The following OR14J1 variants were observed in gnomAD, a reference collection of about 807,000 sequenced individuals.
OR14J1 encodes olfactory receptor 14J1.
For synonymous variants in OR14J1, 140 were observed against 146.7 expected (o/e 0.95, Z 0.33); for missense variants, 378 against 393.4 (o/e 0.96, Z 0.33).
chr6:29,302,688 G>A (rs756166927), intron 1 of OR14J1, among the ~76,000 whole-genome samples: 1 of 152,170 alleles, frequency 6.6e-6, no homozygotes, highest in African/African-American at 2.4e-5. Flanking sequence ...TAAAGATATT[G>A]TTTGCCATCC....
At position 29,310,359 on chromosome 6, in the gene OR14J1, T is replaced by A. The variant is rs1392522939; in HGVS notation, c.*2704T>A. 1 of 152,240 alleles carries A rather than the reference T, an allele frequency of 6.6e-6. No individual in the cohort carries two copies. Among genetic ancestry groups the A allele is most frequent in the Non-Finnish European group, 1.5e-5 (1 of 68,054 alleles). 9.4% of individuals were successfully genotyped at this position (152,240 alleles called of 1,614,324 possible). A position where few individuals can be genotyped will look rare whatever the true frequency, so the allele number is the denominator to read the frequency against. On this transcript the variant is annotated 3_prime_UTR_variant, in exon 2 of 2. Coordinates refer to ENST00000641895, the MANE Select transcript of OR14J1 (RefSeq NM_030946.2). Reference sequence around the variant, plus strand: ...TAGCCAGTTTTCTCAACAGCATTTATTAAATAGGGGATTCTTTCCCCATTG... The same window carrying A: ...TAGCCAGTTTTCTCAACAGCATTTAATAAATAGGGGATTCTTTCCCCATTG...
At position 29,306,835 on chromosome 6, in the gene OR14J1, T is replaced by G; in HGVS notation, c.146T>G (p.Val49Gly). ...GNLLIITIIT[V>G]DRRLHSPMYY... is the part of the protein sequence containing the mutation. Reference sequence around the variant, plus strand: ...CTCCTCATTATCACCATCATTACCGTGGACCGTCGTCTCCATTCCCCCATG... The same window carrying G: ...CTCCTCATTATCACCATCATTACCGGGGACCGTCGTCTCCATTCCCCCATG... The change falls in exon 2 of 2, where the codon GTG becomes GGG. Residue 49 changes from valine (V) to glycine (G), a missense_variant. Coordinates refer to ENST00000641895, the MANE Select transcript of OR14J1 (RefSeq NM_030946.2). The G allele has an allele frequency of 6.2e-7, 1 of 1,613,074 alleles. No homozygotes were observed. The highest frequency in any genetic ancestry group is 8.5e-7 in the Non-Finnish European group (1 of 1,180,024).
chr6:29,302,109 T>C (rs925930965), intron 1 of OR14J1, among the ~76,000 whole-genome samples: 4 of 151,770 alleles, frequency 2.6e-5, no homozygotes, highest in African/African-American at 9.7e-5. Context: ...AAAGAGACAA[T>C]GTAGCTGTGT....
chr6:29,307,116 GTGATAGC>G lies in OR14J1; in HGVS notation c.430_436del (p.Ile144CysfsTer38). 2 of 1,613,064 alleles carry G rather than the reference GTGATAGC, an allele frequency of 1.2e-6. No homozygotes were observed. Among genetic ancestry groups the G allele is most frequent in the Non-Finnish European group, 1.7e-6 (2 of 1,180,026 alleles). On this transcript the variant is annotated frameshift_variant, in exon 2 of 2. Coordinates refer to ENST00000641895, the MANE Select transcript of OR14J1 (RefSeq NM_030946.2). LOFTEE classifies it low-confidence loss of function (END_TRUNC). ...GGATCCCCGTGCCTGTAGGCATGCA[GTGATAGC>G]TGTGTGGATTGCTGGGGGCCTCTCT... is the stretch of plus-strand genomic sequence containing the variant.
At chr6:29,306,254 C>A (rs1775076040) in intron 1 of OR14J1, among the ~76,000 whole-genome samples, 1 of 152,142 alleles carries the variant, frequency 6.6e-6, no homozygotes, top group African/African-American at 2.4e-5. Context: ...GTTTCTAGAT[C>A]CATTTGCAAG....
chr6:29,303,519 AAG>A lies in OR14J1; in HGVS notation c.-29+1734_-29+1735del, dbSNP rs374961952. ...AGCTGTTTGTGAGGACTCATGAAGCAAGAATGATTAACATGGTTCAAGAATTG... is the reference window on the plus strand; with the variant it reads ...AGCTGTTTGTGAGGACTCATGAAGCAAATGATTAACATGGTTCAAGAATTG... On this transcript the variant is annotated intron_variant, in intron 1 of 1. Transcript: ENST00000641895. 1.9e-3 allele frequency among the ~76,000 whole-genome samples: 286 copies of A among 152,332 alleles called. 6 individuals carry two copies. The South Asian group carries it at 0.035, about 19-fold the overall frequency.
At position 29,311,091 on chromosome 6, in the gene OR14J1, A is replaced by G. The variant is rs989774805; in HGVS notation, c.*3436A>G. Reference sequence around the variant, plus strand: ...TTTGAATTCCTCTCTTTCTATTTGAATACCTTTTATTTTTTTCTCTTGCCT... The same window carrying G: ...TTTGAATTCCTCTCTTTCTATTTGAGTACCTTTTATTTTTTTCTCTTGCCT... On this transcript the variant is annotated 3_prime_UTR_variant, in exon 2 of 2. Transcript: ENST00000641895. 2 of 152,124 alleles carry G rather than the reference A, an allele frequency of 1.3e-5. No individual in the cohort carries two copies. Among genetic ancestry groups the G allele is most frequent in the African/African-American group, 4.8e-5 (2 of 41,414 alleles). 9.4% of individuals were successfully genotyped at this position (152,124 alleles called of 1,614,324 possible).
chr6:29,306,323 G>A (rs1214133728), intron 1 of OR14J1, among the ~76,000 whole-genome samples: 2 of 152,136 alleles, frequency 1.3e-5, no homozygotes, highest in Non-Finnish European at 1.5e-5. Flanking sequence ...GTGCATCGTT[G>A]TAATACTAAG....
At position 29,308,101 on chromosome 6, in the gene OR14J1, C is replaced by A. The variant is rs1434859851; in HGVS notation, c.*446C>A. On this transcript the variant is annotated 3_prime_UTR_variant, in exon 2 of 2. Transcript: ENST00000641895. ...AATTTATTCAGCCCCTAGTAAGTAT[C>A]AAGTGCTTTATATATATACATTTTT... 6.5e-6 allele frequency: 1 copy of A among 153,144 alleles called. No homozygotes were observed. The highest frequency in any genetic ancestry group is 1.5e-5 in the Non-Finnish European group (1 of 68,802). 9.5% of individuals were successfully genotyped at this position (153,144 alleles called of 1,614,324 possible).
At position 29,307,569 on chromosome 6, in the gene OR14J1, T is replaced by C. The variant is rs766889482; in HGVS notation, c.880T>C (p.Ser294Pro). Residue 294 changes from serine (S) to proline (P), a missense_variant, in exon 2 of 2, where the codon TCC becomes CCC. Ser to Pro is a moderately conservative substitution (Grantham distance 74, BLOSUM62 -1). Coordinates refer to ENST00000641895, the MANE Select transcript of OR14J1 (RefSeq NM_030946.2). ...NPVIYSLRNDSMKAALRKMLS... is the reference protein window; with the variant it reads ...NPVIYSLRNDPMKAALRKMLS... ...AGTCATTTATAGCTTACGGAATGAT[T>C]CCATGAAGGCAGCACTGAGGAAGAT... The C allele has an allele frequency of 6.2e-7, 1 of 1,612,590 alleles. No individual in the cohort carries two copies. The highest frequency in any genetic ancestry group is 8.5e-7 in the Non-Finnish European group (1 of 1,180,000).
At chr6:29,306,470 CTTG>C (rs1215220919) in intron 1 of OR14J1, among the ~76,000 whole-genome samples, 189 bp from the exon 2 acceptor site, 1 of 152,202 alleles carries the variant, frequency 6.6e-6, no homozygotes, top group Non-Finnish European at 1.5e-5. Context: ...ATGTTTATGA[CTTG>C]TTGATCACAT....
At position 29,301,725 on chromosome 6, in the gene OR14J1, T is replaced by C. The variant is rs900024910; in HGVS notation, c.-91T>C. On this transcript the variant is annotated 5_prime_UTR_variant, in exon 1 of 2. Transcript: ENST00000641895. ...ACTGACTGAAACACCAGCTTGATTC[T>C]AGAACAAAGATGCTCAGTCTCAGGA... 1.3e-5 allele frequency: 2 copies of C among 152,210 alleles called. No homozygotes were observed. Among genetic ancestry groups the C allele is most frequent in the African/African-American group, 4.8e-5 (2 of 41,456 alleles). 9.4% of individuals were successfully genotyped at this position (152,210 alleles called of 1,614,324 possible). A position where few individuals can be genotyped will look rare whatever the true frequency, so the allele number is the denominator to read the frequency against.
In OR14J1 at chr6:29,310,188, A is replaced by G. The variant is rs974127857; in HGVS notation, c.*2533A>G. 2.0e-5 allele frequency: 3 copies of G among 152,158 alleles called. No homozygotes were observed. Among genetic ancestry groups the G allele is most frequent in the Non-Finnish European group, 4.4e-5 (3 of 68,034 alleles). 9.4% of individuals were successfully genotyped at this position (152,158 alleles called of 1,614,324 possible). Reference sequence around the variant, plus strand: ...TGTTTTAGTCATGAAGTCTCTGCCCATGCCTAAATCCTGAATGGTATTGCC... The same window carrying G: ...TGTTTTAGTCATGAAGTCTCTGCCCGTGCCTAAATCCTGAATGGTATTGCC... On this transcript the variant is annotated 3_prime_UTR_variant, in exon 2 of 2. Coordinates refer to ENST00000641895, the MANE Select transcript of OR14J1 (RefSeq NM_030946.2).
intron 1 of OR14J1, among the ~76,000 whole-genome samples, chr6:29,304,813 T>TA (rs1421382875): frequency 2.0e-5 from 3 of 152,230 alleles, no homozygotes; most frequent in Non-Finnish European, 4.4e-5. Context: ...ATGGGGAGGC[T>TA]AAATGATAGA....
chr6:29,307,389 A>G lies in OR14J1; in HGVS notation c.700A>G (p.Lys234Glu). The G allele has an allele frequency of 6.2e-7, 1 of 1,613,050 alleles. No individual in the cohort carries two copies. The highest frequency in any genetic ancestry group is 8.5e-7 in the Non-Finnish European group (1 of 1,180,026). ...AATCCCATCAGCTGAGGGCCGGACC[A>G]AGGTCTTCTCCACCTGCCTACCACA... ...LRIPSAEGRT[K>E]VFSTCLPHLF... is the part of the protein sequence containing the mutation. Residue 234 changes from lysine (K) to glutamate (E), a missense_variant, in exon 2 of 2, where the codon AAG becomes GAG. Coordinates refer to ENST00000641895, the MANE Select transcript of OR14J1 (RefSeq NM_030946.2).
chr6:29,309,364 A>G lies in OR14J1; in HGVS notation c.*1709A>G, dbSNP rs1362682666. Reference sequence around the variant, plus strand: ...AACATACGTGTGCATGTGTCTTTATAGTAGAATGATTTATAATCCTTTGGG... The same window carrying G: ...AACATACGTGTGCATGTGTCTTTATGGTAGAATGATTTATAATCCTTTGGG... On this transcript the variant is annotated 3_prime_UTR_variant, in exon 2 of 2. Coordinates refer to ENST00000641895, the MANE Select transcript of OR14J1 (RefSeq NM_030946.2). The G allele has an allele frequency of 6.6e-6, 1 of 152,176 alleles. No individual in the cohort carries two copies. Among genetic ancestry groups the G allele is most frequent in the Admixed American group, 6.5e-5 (1 of 15,274 alleles). 9.4% of individuals were successfully genotyped at this position (152,176 alleles called of 1,614,324 possible). A position where few individuals can be genotyped will look rare whatever the true frequency, so the allele number is the denominator to read the frequency against.
intron 1 of OR14J1, among the ~76,000 whole-genome samples, chr6:29,302,002 T>C (rs1465343420): frequency 6.6e-6 from 1 of 152,072 alleles, no homozygotes; most frequent in Non-Finnish European, 1.5e-5. Context: ...AAAAAGTTAG[T>C]ATAAATTATA....
At position 29,307,316 on chromosome 6, in the gene OR14J1, G is replaced by GA; in HGVS notation, c.628dup (p.Ile210AsnfsTer21). ...CAACGTCTGCAGCATTTATCTGTTT[G>GA]ATCTCCATTGTGCTCTCCTACATTC... On this transcript the variant is annotated frameshift_variant, in exon 2 of 2. Coordinates refer to ENST00000641895, the MANE Select transcript of OR14J1 (RefSeq NM_030946.2). LOFTEE classifies it low-confidence loss of function (END_TRUNC). The GA allele has an allele frequency of 1.2e-6, 2 of 1,612,998 alleles. No individual in the cohort carries two copies. Among genetic ancestry groups the GA allele is most frequent in the Non-Finnish European group, 1.7e-6 (2 of 1,180,026 alleles).
rs955541724 is a variant in OR14J1 at position 29,310,090 on chromosome 6, T to C, written c.*2435T>C. 1.3e-5 allele frequency: 2 copies of C among 152,248 alleles called. No individual in the cohort carries two copies. The highest frequency in any genetic ancestry group is 6.5e-5 in the Admixed American group (1 of 15,276). The allele number at this position is 152,248 out of a possible 1,614,324, so 9.4% of individuals were successfully genotyped here. A position where few individuals can be genotyped will look rare whatever the true frequency, so the allele number is the denominator to read the frequency against. ...CTATTCACTCTGCTGATGATTTCTT[T>C]TCCTGTGCAGAAGCTCTTTAGTTTA... On this transcript the variant is annotated 3_prime_UTR_variant, in exon 2 of 2. Coordinates refer to ENST00000641895, the MANE Select transcript of OR14J1 (RefSeq NM_030946.2).
Sources: gnomAD v4.1 joint callset for allele counts (sites outside exome capture counted in the v4.1 genomes callset) on GRCh38, gnomAD v4.1.1 for gene constraint, MANE v1.5 for transcripts, NCBI Gene and HGNC (gene_info 2026-07-23, HGNC 2026-07-21) for gene names.